The following DAGLB variants were observed in gnomAD, a reference collection of about 807,000 sequenced individuals.
The protein encoded by DAGLB is diacylglycerol lipase-beta.
Under a neutral mutation model 72.1 loss-of-function variants are expected in DAGLB, and 66 were observed. The observed-to-expected ratio is 0.92, with a 90% CI of 0.75 to 1.12. The LOEUF (loss-of-function observed/expected upper bound fraction) is 1.12. DAGLB is among the 50% of genes most tolerant of loss of function. The pLI is 0.00. For missense variants in DAGLB, 1,065 were observed against 884.9 expected (o/e 1.20, Z -2.58); for synonymous variants, 414 against 359.5 (o/e 1.15, Z -1.71).
rs202096124 is a variant in DAGLB, at chr7:6,436,320, C to G, written c.419+42G>C. ...GTTAGAAGGGTTTGTTCACCTATGC[C>G]TCAAATCCACTGAAACTCAAAGAGA... On this transcript the variant is annotated intron_variant, in intron 3 of 14. Transcript: ENST00000297056. 4.2e-3 allele frequency: 6,670 copies of G among 1,580,300 alleles called. 27 individuals carry two copies. Among genetic ancestry groups the G allele is most frequent in the Middle Eastern group, 0.014 (72 of 5,326 alleles).
chr7:6,447,163 G>A (rs144188236), intron 1 of DAGLB, among the ~76,000 whole-genome samples: 1 of 152,290 alleles, frequency 6.6e-6, no homozygotes, highest in South Asian at 2.1e-4. Flanking sequence ...GCATAACAAT[G>A]ATTCATTCCC....
At chr7:6,420,439 CA>C (rs113610940) in intron 9 of DAGLB, among the ~76,000 whole-genome samples, 87 of 138,128 alleles carry the variant, frequency 6.3e-4, no homozygotes, top group Admixed American at 7.2e-4. Context: ...GACTCCATCT[CA>C]AAAAAAAAAA....
intron 2 of DAGLB, among the ~76,000 whole-genome samples, chr7:6,438,454 C>T (rs1410801843): frequency 6.6e-6 from 1 of 151,782 alleles, no homozygotes; most frequent in African/African-American, 2.4e-5. Context: ...ATAATTGTAA[C>T]ACTAACCTCT....
chr7:6,427,208 G>C (rs1237776676), intron 6 of DAGLB, among the ~76,000 whole-genome samples: 4 of 152,196 alleles, frequency 2.6e-5, no homozygotes, highest in Admixed American at 2.6e-4. Context: ...TTTTGTAGTG[G>C]AACTGGGTAT....
chr7:6,409,756 T>C lies in DAGLB; in HGVS notation c.*81A>G. ...ATGGACATTCGCTGTTTTGGCGTCA[T>C]GGGAACTCCTCGGATGGTAAGTCAG... On this transcript the variant is annotated 3_prime_UTR_variant, in exon 15 of 15. Transcript: ENST00000297056. 6.7e-7 allele frequency: 1 copy of C among 1,483,400 alleles called. No homozygotes were observed. The highest frequency in any genetic ancestry group is 9.1e-7 in the Non-Finnish European group (1 of 1,097,370). 91.9% of individuals were successfully genotyped at this position (1,483,400 alleles called of 1,614,324 possible).
intron 2 of DAGLB, 56 bp downstream of exon 2, chr7:6,445,897 A>T: frequency 6.6e-7 from 1 of 1,507,812 alleles, no homozygotes; most frequent in Non-Finnish European, 8.9e-7. Flanking sequence ...TATGTGAATT[A>T]TATCTCAATA....
At chr7:6,430,754 C>T in intron 5 of DAGLB, 147 bp from the exon 6 acceptor site, 1 of 903,252 alleles carries the variant, frequency 1.1e-6, no homozygotes, top group Non-Finnish European at 1.5e-6. Context: ...GGCAAAACTG[C>T]TCCTTCAATA....
intron 2 of DAGLB, 72 bp downstream of exon 2, chr7:6,445,881 G>T: frequency 6.9e-7 from 1 of 1,459,408 alleles, no homozygotes; most frequent in Non-Finnish European, 9.2e-7. Flanking sequence ...GAAGTGAATT[G>T]TATGGTATGT....
chr7:6,441,186 G>A (rs1429788677), intron 2 of DAGLB, among the ~76,000 whole-genome samples: 2 of 150,646 alleles, frequency 1.3e-5, no homozygotes, highest in Admixed American at 6.6e-5. Context: ...CGCCTCCCAG[G>A]TTCATGCCAT....
chr7:6,431,479 A>G (rs542324707), intron 5 of DAGLB, among the ~76,000 whole-genome samples: 48 of 152,284 alleles, frequency 3.2e-4, no homozygotes, highest in Non-Finnish European at 6.0e-4. Flanking sequence ...CTTCAAAGAT[A>G]TGATAAATGT....
At chr7:6,426,833 G>C (rs1184117874) in intron 6 of DAGLB, among the ~76,000 whole-genome samples, 1 of 152,208 alleles carries the variant, frequency 6.6e-6, no homozygotes, top group East Asian at 1.9e-4. Context: ...AAGAGGCCGG[G>C]CGTGGTGGCT....
chr7:6,427,739 C>T (rs117300363), intron 6 of DAGLB, among the ~76,000 whole-genome samples: 2,074 of 151,796 alleles, frequency 0.014, 23 homozygotes, highest in Non-Finnish European at 0.023. Context: ...TACAGTAAGC[C>T]GTGATGATAC....
In DAGLB at chr7:6,412,949, G is replaced by A. The variant is rs1318497109; in HGVS notation, c.1496+17C>T. The A allele has an allele frequency of 6.2e-7, 1 of 1,613,784 alleles. No individual in the cohort carries two copies. The highest frequency in any genetic ancestry group is 1.3e-5 in the African/African-American group (1 of 75,056). On this transcript the variant is annotated intron_variant, in intron 12 of 14. Transcript: ENST00000297056. ...TCCCAACCCCCCAGCCCTGGGCACAGCACCAGGTGGGCTTACCTGGGAATC... is the reference window on the plus strand; with the variant it reads ...TCCCAACCCCCCAGCCCTGGGCACAACACCAGGTGGGCTTACCTGGGAATC...
chr7:6,436,570 T>TC (rs1367910727), intron 2 of DAGLB, 37 bp from the exon 3 acceptor site: 1 of 1,613,030 alleles, frequency 6.2e-7, no homozygotes, highest in Non-Finnish European at 8.5e-7. Context: ...CTCAGTTGCT[T>TC]CCTCAGAGAT....
rs766526594 is a variant in DAGLB, at chr7:6,446,114, A to C, written c.96-10T>G. ...CAGAATGCCAATCCACCTGGCAAAA[A>C]AAAAAAAGGGAAGGGTCAGAAATGA... On this transcript the variant is annotated splice_polypyrimidine_tract_variant and intron_variant, in intron 1 of 14. Coordinates refer to ENST00000297056, the MANE Select transcript of DAGLB (RefSeq NM_139179.4). 35 of 1,583,606 alleles carry C rather than the reference A, an allele frequency of 2.2e-5. No homozygotes were observed. Among genetic ancestry groups the C allele is most frequent in the Non-Finnish European group, 3.4e-6 (4 of 1,169,284 alleles).
chr7:6,445,522 C>T (rs1265529665), intron 2 of DAGLB, among the ~76,000 whole-genome samples: 4 of 152,086 alleles, frequency 2.6e-5, no homozygotes, highest in Non-Finnish European at 5.9e-5. Context: ...TCTTTCTTTC[C>T]GTTTTGTGAC....
intron 9 of DAGLB, among the ~76,000 whole-genome samples, chr7:6,419,624 T>C (rs933656675): frequency 6.6e-6 from 1 of 152,182 alleles, no homozygotes; most frequent in Non-Finnish European, 1.5e-5. Flanking sequence ...AGGGATGAAC[T>C]GTCACTAAAA....
Position 6,432,856 on chromosome 7 carries a change from T to C in DAGLB, c.782A>G (p.His261Arg), listed in dbSNP as rs368282022. The C allele has an allele frequency of 4.5e-5, 73 of 1,613,768 alleles. No individual in the cohort carries two copies. Among genetic ancestry groups the C allele is most frequent in the Middle Eastern group, 1.6e-4 (1 of 6,066 alleles). The part of the protein sequence containing the change: ...NNQEPAQVVC[H>R]APGSSQEADL... Reference sequence around the variant, plus strand: ...GCTCACCTGGGAGCTCCCTGGGGCATGGCAGACCACCTGGGCAGGCTCTTG... The same window carrying C: ...GCTCACCTGGGAGCTCCCTGGGGCACGGCAGACCACCTGGGCAGGCTCTTG... Residue 261 changes from histidine (H) to arginine (R), a missense_variant, in exon 5 of 15, where the codon CAT becomes CGT. Coordinates refer to ENST00000297056, the MANE Select transcript of DAGLB (RefSeq NM_139179.4).
chr7:6,436,587 C>G, intron 2 of DAGLB, 54 bp from the exon 3 acceptor site: 2 of 1,607,124 alleles, frequency 1.2e-6, no homozygotes, highest in East Asian at 2.2e-5. Flanking sequence ...AGATGAAGAG[C>G]TTCCTTTTTG....
Sources: allele counts gnomAD v4.1 joint callset (sites outside exome capture counted in the v4.1 genomes callset), GRCh38; gene constraint gnomAD v4.1.1; transcripts MANE v1.5; gene names NCBI Gene and HGNC (gene_info 2026-07-23, HGNC 2026-07-21).